Variants in AFAP1 observed in about 807,000 individuals in gnomAD.
The protein encoded by AFAP1 is actin filament associated protein 1.
In AFAP1, 75 loss-of-function variants were observed where a neutral mutation model predicts 93.9. The observed-to-expected ratio is 0.80, with a 90% CI of 0.66 to 0.97. AFAP1 has a LOEUF of 0.97. Among genes scored for constraint, AFAP1 ranks in the 50% least tolerant of loss-of-function variants. The pLI, the probability that AFAP1 is intolerant of heterozygous loss-of-function variation, is 0.00. For synonymous variants in AFAP1, 517 were observed against 430.7 expected (o/e 1.20, Z -2.48); for missense variants, 1,201 against 1,050.8 (o/e 1.14, Z -1.98).
chr4:7,803,804 C>A (rs77141702), intron 9 of AFAP1, among the ~76,000 whole-genome samples: 1,661 of 152,344 alleles, frequency 0.011, 24 homozygotes, highest in African/African-American at 0.037. Context: ...TTGGACAGAT[C>A]CACATTTTAT....
chr4:7,823,287 C>A (rs906394470), intron 6 of AFAP1, among the ~76,000 whole-genome samples: 2 of 151,660 alleles, frequency 1.3e-5, no homozygotes, highest in African/African-American at 4.9e-5. Flanking sequence ...AGGAAAGAAA[C>A]TGGAATTAAG....
intron 5 of AFAP1, among the ~76,000 whole-genome samples, chr4:7,840,305 G>GGGGTGTGTGTGT (rs201317810): frequency 7.6e-6 from 1 of 131,180 alleles, no homozygotes; most frequent in African/African-American, 2.8e-5. Context: ...TTGTTTTTGG[G>GGGGTGTGTGTGT]GTGTGTGTGT....
chr4:7,926,122 T>G (rs1242127876), intron 1 of AFAP1, among the ~76,000 whole-genome samples: 1 of 152,224 alleles, frequency 6.6e-6, no homozygotes, highest in Non-Finnish European at 1.5e-5. Flanking sequence ...CAAGGCGCAG[T>G]GGTATCCTGA....
At chr4:7,806,024 G>A (rs1047508115) in intron 9 of AFAP1, among the ~76,000 whole-genome samples, 12 of 152,162 alleles carry the variant, frequency 7.9e-5, no homozygotes, top group Admixed American at 5.2e-4. Flanking sequence ...AGGTGGAAAC[G>A]CATTTCCTGG....
chr4:7,913,971 T>C (rs911889821), intron 1 of AFAP1, among the ~76,000 whole-genome samples: 8 of 152,264 alleles, frequency 5.3e-5, no homozygotes, highest in African/African-American at 1.9e-4. Flanking sequence ...TCAGAGTAAT[T>C]AGCATATCCA....
chr4:7,879,589 C>T (rs1016866731), intron 1 of AFAP1, among the ~76,000 whole-genome samples: 1 of 151,842 alleles, frequency 6.6e-6, no homozygotes, highest in African/African-American at 2.4e-5. Context: ...AAAGTGACGG[C>T]AAAATTACCT....
At chr4:7,849,477 C>G (rs868007364) in intron 4 of AFAP1, among the ~76,000 whole-genome samples, 1 of 152,198 alleles carries the variant, frequency 6.6e-6, no homozygotes, top group Non-Finnish European at 1.5e-5. Flanking sequence ...AGATGCAAAA[C>G]AGACAAAAGC....
intron 6 of AFAP1, among the ~76,000 whole-genome samples, chr4:7,837,388 C>A (rs1398870817): frequency 1.3e-5 from 2 of 152,088 alleles, no homozygotes; most frequent in Admixed American, 6.5e-5. Flanking sequence ...TAAAAGAGGC[C>A]CCAGAGACCT....
chr4:7,841,673 AG>A (rs1160154423), intron 5 of AFAP1, among the ~76,000 whole-genome samples: 1 of 152,230 alleles, frequency 6.6e-6, no homozygotes, highest in Non-Finnish European at 1.5e-5. Flanking sequence ...CCTGAATGAT[AG>A]GTCATTTTTG....
intron 3 of AFAP1, among the ~76,000 whole-genome samples, chr4:7,863,374 G>C (rs1179236479): frequency 6.6e-6 from 1 of 152,142 alleles, no homozygotes; most frequent in African/African-American, 2.4e-5. Context: ...AGCCCAGATC[G>C]TGCCACTGCA....
intron 11 of AFAP1, among the ~76,000 whole-genome samples, chr4:7,787,506 G>A (rs576086456): frequency 6.6e-6 from 1 of 152,192 alleles, no homozygotes; most frequent in African/African-American, 2.4e-5. Flanking sequence ...CAGCTTTGTG[G>A]ACTGGGCCCT....
chr4:7,911,057 C>T (rs765899600), intron 1 of AFAP1, among the ~76,000 whole-genome samples: 17 of 151,966 alleles, frequency 1.1e-4, no homozygotes, highest in Non-Finnish European at 1.9e-4. Context: ...CATAAACGCA[C>T]GGGACACACA....
intron 6 of AFAP1, among the ~76,000 whole-genome samples, chr4:7,830,791 T>C (rs76226326): frequency 0.025 from 3,835 of 152,146 alleles, 152 homozygotes; most frequent in African/African-American, 0.078. Flanking sequence ...TAATGTTTTA[T>C]AGAGATAGCC....
chr4:7,919,309 C>T lies in AFAP1; in HGVS notation c.-3+20347G>A, dbSNP rs147935893. Among the ~76,000 whole-genome samples, 544 of 152,344 alleles carry T rather than the reference C, an allele frequency of 3.6e-3. 3 individuals are homozygous for T. The highest frequency in any genetic ancestry group is 0.012 in the African/African-American group (503 of 41,568). On this transcript the variant is annotated intron_variant, in intron 1 of 17. Transcript: ENST00000420658. ...AAACAGAGCCACAATCCTAGCAGCA[C>T]GCATCACTGCAACACAGAGCTTCAG... is the stretch of plus-strand genomic sequence containing the variant.
rs138169773 is a variant in AFAP1, at chr4:7,840,154, C to T, written c.547-1451G>A. Among the ~76,000 whole-genome samples the T allele has an allele frequency of 9.4e-3, 1,438 of 152,172 alleles. 7 individuals are homozygous for T. Among genetic ancestry groups the T allele is most frequent in the Non-Finnish European group, 0.015 (1,021 of 68,002 alleles). ...CCAGGACTCCAGCCCCAATTGTGCA[C>T]GTGCAGAGCCTGCATCTTGACTCTA... On this transcript the variant is annotated intron_variant, in intron 5 of 17. Transcript: ENST00000420658.
chr4:7,801,933 A>C (rs1225047492), intron 9 of AFAP1, among the ~76,000 whole-genome samples: 7 of 151,282 alleles, frequency 4.6e-5, no homozygotes, highest in Admixed American at 6.6e-5. Flanking sequence ...AAAAAAAAAA[A>C]AAAAAAAAAC....
At chr4:7,794,101 G>A (rs1291826915) in intron 10 of AFAP1, among the ~76,000 whole-genome samples, 1 of 152,154 alleles carries the variant, frequency 6.6e-6, no homozygotes, top group Non-Finnish European at 1.5e-5. Context: ...TAGGGTGTAA[G>A]ACAGGAAAAT....
intron 8 of AFAP1, among the ~76,000 whole-genome samples, chr4:7,814,740 G>A (rs1720326007): frequency 6.6e-6 from 1 of 152,222 alleles, no homozygotes; most frequent in African/African-American, 2.4e-5. Context: ...CAGCTGCCAG[G>A]GCCTCGGGTA....
intron 12 of AFAP1, among the ~76,000 whole-genome samples, chr4:7,785,014 T>C (rs1329284594): frequency 6.6e-6 from 1 of 152,184 alleles, no homozygotes. Flanking sequence ...TGTCTACCTT[T>C]GAAAATTATC....
Sources: allele counts gnomAD v4.1 joint callset (sites outside exome capture counted in the v4.1 genomes callset), GRCh38; gene constraint gnomAD v4.1.1; transcripts MANE v1.5; gene names NCBI Gene and HGNC (gene_info 2026-07-23, HGNC 2026-07-21).